DPP10: variants seen among roughly 807,000 people sequenced by gnomAD.
DPP10 encodes the protein inactive dipeptidyl peptidase 10.
DPP10 carries 33 observed loss-of-function variants against 120.9 expected under a neutral mutation model. The observed-to-expected ratio is 0.27, with a 90% CI of 0.21 to 0.37. The LOEUF (loss-of-function observed/expected upper bound fraction) is 0.37, where lower values mean the gene tolerates loss of function less well. Among genes scored for constraint, DPP10 ranks in the 10% least tolerant of loss-of-function variants. The pLI, the probability that DPP10 is intolerant of heterozygous loss-of-function variation, is 1.00. For synonymous variants in DPP10, 337 were observed against 326.1 expected (o/e 1.03, Z -0.36); for missense variants, 816 against 942.8 (o/e 0.87, Z 1.76).
chr2:115,465,176 A>T (rs1354650149), intron 3 of DPP10, among the ~76,000 whole-genome samples: 1 of 152,182 alleles, frequency 6.6e-6, no homozygotes, highest in African/African-American at 2.4e-5. Context: ...ATTGCCATCG[A>T]CACTTTGTAA....
At chr2:114,566,172 C>T (rs1446431870) in intron 1 of DPP10, among the ~76,000 whole-genome samples, 1 of 152,016 alleles carries the variant, frequency 6.6e-6, no homozygotes, top group East Asian at 1.9e-4. Context: ...TTTAGATAGC[C>T]TGCTTGGGAG....
chr2:115,596,194 T>C lies in DPP10; in HGVS notation c.441+70222T>C, dbSNP rs988583656. On this transcript the variant is annotated intron_variant, in intron 5 of 25. Transcript: ENST00000410059. ...TATCACACATAAATATCACAATTTA[T>C]GACCTTAAAACACCTAGCAAAGGCA... 3.3e-5 allele frequency among the ~76,000 whole-genome samples: 5 copies of C among 152,118 alleles called. No homozygotes were observed. In the East Asian group the frequency reaches 5.8e-4, roughly 18 times the overall value.
chr2:115,139,724 T>TAAAAAAAAA (rs55826687), intron 1 of DPP10, among the ~76,000 whole-genome samples: 39 of 56,628 alleles, frequency 6.9e-4, no homozygotes, highest in East Asian at 1.4e-3. Flanking sequence ...GTAAAAATAC[T>TAAAAAAAAA]AAAAAAAAAA....
At chr2:115,053,136 C>T (rs79191514) in intron 1 of DPP10, among the ~76,000 whole-genome samples, 1,737 of 152,108 alleles carry the variant, frequency 0.011, 13 homozygotes, top group Non-Finnish European at 0.017. Context: ...AAAGCTCAGG[C>T]GACTGAAAAT....
At chr2:115,456,493 A>C (rs948814111) in intron 3 of DPP10, among the ~76,000 whole-genome samples, 3 of 152,194 alleles carry the variant, frequency 2.0e-5, no homozygotes, top group Non-Finnish European at 2.9e-5. Context: ...TCATTTTACT[A>C]TAAAGATACA....
chr2:115,347,089 C>T (rs2063746638), intron 3 of DPP10, among the ~76,000 whole-genome samples: 2 of 152,052 alleles, frequency 1.3e-5, no homozygotes, highest in East Asian at 3.9e-4. Flanking sequence ...AAAAGCATAA[C>T]AAATTTATTT....
chr2:115,710,567 G>C (rs1285864265), intron 7 of DPP10, among the ~76,000 whole-genome samples: 3 of 151,966 alleles, frequency 2.0e-5, no homozygotes, highest in Non-Finnish European at 4.4e-5. Context: ...AACAATAATA[G>C]CATCATGGAT....
intron 1 of DPP10, among the ~76,000 whole-genome samples, chr2:114,449,224 T>C (rs1210852226): frequency 6.6e-6 from 1 of 152,174 alleles, no homozygotes; most frequent in Non-Finnish European, 1.5e-5. Context: ...TTAGCCTTTC[T>C]CCTTGCCTTT....
chr2:115,468,620 T>C, intron 3 of DPP10: 1 of 384,850 alleles, frequency 2.6e-6, no homozygotes, highest in South Asian at 2.0e-5. Context: ...CCATCTCCCA[T>C]GAACATCCAT....
intron 1 of DPP10, among the ~76,000 whole-genome samples, chr2:114,781,743 A>G (rs112430544): frequency 0.017 from 2,534 of 152,138 alleles, 60 homozygotes; most frequent in Non-Finnish European, 0.025. Flanking sequence ...AAAAGGGCCA[A>G]GCCTCGTGAT....
At chr2:114,827,613 TTG>T (rs746538689) in intron 1 of DPP10, among the ~76,000 whole-genome samples, 1 of 151,974 alleles carries the variant, frequency 6.6e-6, no homozygotes, top group Non-Finnish European at 1.5e-5. Flanking sequence ...GTTACTTGCT[TTG>T]TGTGTGTGTG....
chr2:115,484,031 T>G (rs1403199734), intron 3 of DPP10, among the ~76,000 whole-genome samples: 1 of 151,990 alleles, frequency 6.6e-6, no homozygotes, highest in African/African-American at 2.4e-5. Flanking sequence ...GAAACATGAC[T>G]CGTGTAGATG....
Position 115,506,246 on chromosome 2 carries a change from T to C in DPP10, c.366+6642T>C, listed in dbSNP as rs542472174. Among the ~76,000 whole-genome samples the C allele has an allele frequency of 6.0e-4, 92 of 152,222 alleles. 1 individual carries two copies. The South Asian group carries it at 0.018, about 30-fold the overall frequency. On this transcript the variant is annotated intron_variant, in intron 4 of 25. Coordinates refer to ENST00000410059, the MANE Select transcript of DPP10 (RefSeq NM_020868.6). ...ATATTTTAATAGTATATTGGAAATA[T>C]ATTAAATTAGTATTTTAGTTTGCTT...
intron 1 of DPP10, among the ~76,000 whole-genome samples, chr2:114,589,900 T>A (rs1352364098): frequency 2.0e-5 from 3 of 152,006 alleles, no homozygotes; most frequent in Non-Finnish European, 4.4e-5. Flanking sequence ...TTGTTTTTAC[T>A]CAAGCCAGCA....
chr2:115,706,255 A>T (rs927401867), intron 7 of DPP10, among the ~76,000 whole-genome samples: 2 of 151,986 alleles, frequency 1.3e-5, no homozygotes, highest in Non-Finnish European at 2.9e-5. Flanking sequence ...AATCCCACAA[A>T]CTTCCTTTAA....
intron 1 of DPP10, among the ~76,000 whole-genome samples, chr2:114,524,751 G>A (rs1014461856): frequency 1.3e-5 from 2 of 152,176 alleles, no homozygotes; most frequent in African/African-American, 4.8e-5. Context: ...GATTCATGGT[G>A]CCTTTATGAA....
chr2:115,472,048 T>C (rs13313784), intron 3 of DPP10, among the ~76,000 whole-genome samples: 2,279 of 152,190 alleles, frequency 0.015, 59 homozygotes, highest in African/African-American at 0.052. Context: ...ACCATAAAAT[T>C]AAAAAAATAA....
At chr2:115,437,534 A>G (rs1030340003) in intron 3 of DPP10, among the ~76,000 whole-genome samples, 9 of 152,046 alleles carry the variant, frequency 5.9e-5, no homozygotes, top group African/African-American at 2.2e-4. Flanking sequence ...CAGGTTGATA[A>G]GCTCAACTTT....
intron 1 of DPP10, among the ~76,000 whole-genome samples, chr2:114,718,195 A>G (rs1484173767): frequency 3.3e-5 from 5 of 151,900 alleles, no homozygotes; most frequent in Admixed American, 2.0e-4. Context: ...TCCCTTTGTC[A>G]TTTGTGTAAT....
Sources: gnomAD v4.1 joint callset for allele counts (sites outside exome capture counted in the v4.1 genomes callset) on GRCh38, gnomAD v4.1.1 for gene constraint, MANE v1.5 for transcripts, NCBI Gene and HGNC (gene_info 2026-07-23, HGNC 2026-07-21) for gene names.